Variants in PCDH9 observed in about 807,000 individuals in gnomAD.
The protein encoded by PCDH9 is protocadherin 9.
A neutral mutation model predicts 70.6 loss-of-function variants in PCDH9; 24 were observed. That is an observed-to-expected ratio of 0.34 (90% CI 0.25 to 0.48). The LOEUF is 0.48. Among genes scored for constraint, PCDH9 ranks in the 20% least tolerant of loss-of-function variants. The probability of loss-of-function intolerance (pLI) is 0.99; values close to 1 mark genes in which losing one functional copy is unlikely to be tolerated. For synonymous variants in PCDH9, 562 were observed against 558.5 expected, an observed-to-expected ratio of 1.01 and a Z score of -0.09; for missense variants, 1,281 against 1,503.6, an observed-to-expected ratio of 0.85 and a Z score of 2.45.
At chr13:66,306,908 C>T (rs1955477955) in intron 4 of PCDH9, among the ~76,000 whole-genome samples, 1 of 152,038 alleles carries the variant, frequency 6.6e-6, no homozygotes, top group Non-Finnish European at 1.5e-5. Flanking sequence ...CTCAGTGACT[C>T]TGCATTCACA....
chr13:66,643,491 G>A (rs1029369592), intron 3 of PCDH9, among the ~76,000 whole-genome samples: 3 of 151,990 alleles, frequency 2.0e-5, no homozygotes, highest in Non-Finnish European at 2.9e-5. Context: ...AGCGATAACC[G>A]CTACTTGCCC....
intron 4 of PCDH9, among the ~76,000 whole-genome samples, chr13:66,612,718 C>A (rs772161023): frequency 6.6e-6 from 1 of 152,060 alleles, no homozygotes; most frequent in Non-Finnish European, 1.5e-5. Context: ...AGGTTTACAG[C>A]GGGCAGGAGC....
intron 4 of PCDH9, among the ~76,000 whole-genome samples, chr13:66,312,640 G>A (rs1955583132): frequency 6.6e-6 from 1 of 151,850 alleles, no homozygotes; most frequent in Non-Finnish European, 1.5e-5. Flanking sequence ...CTCTAGTACT[G>A]AGGTCACATT....
chr13:66,920,150 T>C (rs1566293427), intron 2 of PCDH9, among the ~76,000 whole-genome samples: 1 of 151,192 alleles, frequency 6.6e-6, no homozygotes, highest in East Asian at 1.9e-4. Context: ...GTAAGAGATA[T>C]GACTTAATAA....
intron 2 of PCDH9, among the ~76,000 whole-genome samples, chr13:67,102,523 AC>A (rs1374652980): frequency 6.6e-6 from 1 of 152,122 alleles, no homozygotes; most frequent in Non-Finnish European, 1.5e-5. Flanking sequence ...GAATGAAAAC[AC>A]TTTCAAATAG....
chr13:66,522,227 C>T (rs986620151), intron 4 of PCDH9, among the ~76,000 whole-genome samples: 1 of 151,620 alleles, frequency 6.6e-6, no homozygotes, highest in Non-Finnish European at 1.5e-5. Context: ...CAAGGCATGG[C>T]ATTTGTTTTA....
chr13:66,790,820 G>T (rs2080152424), intron 3 of PCDH9, among the ~76,000 whole-genome samples: 1 of 151,846 alleles, frequency 6.6e-6, no homozygotes, highest in African/African-American at 2.4e-5. Context: ...ACTTTATACA[G>T]GATTAAAAAA....
chr13:66,922,380 C>A (rs1018572058), intron 2 of PCDH9, among the ~76,000 whole-genome samples: 1 of 151,370 alleles, frequency 6.6e-6, no homozygotes, highest in Non-Finnish European at 1.5e-5. Flanking sequence ...TTTATGCAAA[C>A]TTTCCCTTCC....
chr13:66,952,382 G>A (rs75552328), intron 2 of PCDH9, among the ~76,000 whole-genome samples: 1,647 of 152,308 alleles, frequency 0.011, 13 homozygotes, highest in Non-Finnish European at 0.015. Context: ...AAAAATTGGT[G>A]TAAGTTAATG....
chr13:66,722,705 C>T (rs149947224), intron 3 of PCDH9, among the ~76,000 whole-genome samples: 83 of 152,240 alleles, frequency 5.5e-4, no homozygotes, highest in African/African-American at 1.7e-3. Context: ...CGGTGGCTCA[C>T]GCCTGTAATC....
chr13:66,644,762 T>A (rs2138973732), intron 3 of PCDH9, among the ~76,000 whole-genome samples: 1 of 152,182 alleles, frequency 6.6e-6, no homozygotes, highest in East Asian at 1.9e-4. Context: ...TCGGCTTCTA[T>A]TTTTTAATTT....
At chr13:66,867,391 T>C (rs1309608708) in intron 3 of PCDH9, among the ~76,000 whole-genome samples, 2 of 152,160 alleles carry the variant, frequency 1.3e-5, no homozygotes, top group Non-Finnish European at 2.9e-5. Context: ...TTAAAATACC[T>C]AATTGCTTAT....
intron 4 of PCDH9, among the ~76,000 whole-genome samples, chr13:66,469,217 G>A (rs751774260): frequency 2.0e-5 from 3 of 152,100 alleles, no homozygotes; most frequent in Non-Finnish European, 4.4e-5. Context: ...TATGCAGTTA[G>A]AGTTGACAGA....
At chr13:66,550,926 T>C (rs1251339243) in intron 4 of PCDH9, among the ~76,000 whole-genome samples, 1 of 152,216 alleles carries the variant, frequency 6.6e-6, no homozygotes, top group African/African-American at 2.4e-5. Context: ...ATCCCTGATT[T>C]CTCTGCTACA....
chr13:67,005,581 T>C (rs985717845), intron 2 of PCDH9, among the ~76,000 whole-genome samples: 5 of 152,298 alleles, frequency 3.3e-5, no homozygotes, highest in Admixed American at 3.3e-4. Flanking sequence ...TCCCCTATCC[T>C]TGCCAGTAAA....
At chr13:66,867,031 T>G (rs77905428) in intron 3 of PCDH9, among the ~76,000 whole-genome samples, 1 of 151,282 alleles carries the variant, frequency 6.6e-6, no homozygotes, top group Non-Finnish European at 1.5e-5. Context: ...TTTTTTTTTT[T>G]GGCATTTAAC....
Position 66,786,414 on chromosome 13 carries a change from A to G in PCDH9, c.3138+117090T>C, listed in dbSNP as rs117568535. 4.5e-4 allele frequency among the ~76,000 whole-genome samples: 68 copies of G among 152,246 alleles called. No individual in the cohort carries two copies. The East Asian group carries it at 0.012, about 27-fold the overall frequency. ...CTTAGGGGAAAGCTTGCTTTTATGG[A>G]CTCCTATGCATCAAGAAAACTGTCC... On this transcript the variant is annotated intron_variant, in intron 3 of 4. Transcript: ENST00000377865.
intron 4 of PCDH9, among the ~76,000 whole-genome samples, chr13:66,429,989 TTAAG>T (rs1469730228): frequency 6.6e-6 from 1 of 152,074 alleles, no homozygotes; most frequent in Admixed American, 6.6e-5. Flanking sequence ...CAACCACACT[TTAAG>T]TAGCCAAAAG....
intron 2 of PCDH9, among the ~76,000 whole-genome samples, chr13:67,051,941 G>A (rs549088413): frequency 1.8e-4 from 27 of 152,166 alleles, no homozygotes; most frequent in Admixed American, 7.2e-4. Context: ...AAGTGTTCCC[G>A]GCAGTGTTAG....
Sources: allele counts gnomAD v4.1 joint callset (sites outside exome capture counted in the v4.1 genomes callset), GRCh38; gene constraint gnomAD v4.1.1; transcripts MANE v1.5; gene names NCBI Gene and HGNC (gene_info 2026-07-23, HGNC 2026-07-21).